Variants in ARHGAP24 observed in about 807,000 individuals in gnomAD.
ARHGAP24 encodes Rho GTPase activating protein 24, also known as rho GTPase-activating protein 24.
A neutral mutation model predicts 76.4 loss-of-function variants in ARHGAP24; 50 were observed. That is an observed-to-expected ratio of 0.65 (90% CI 0.52 to 0.83). The LOEUF is 0.83. Among genes scored for constraint, ARHGAP24 ranks in the 40% least tolerant of loss-of-function variants. The pLI is 0.00. For missense variants in ARHGAP24, 930 were observed against 914.2 expected, an observed-to-expected ratio of 1.02 and a Z score of -0.22; for synonymous variants, 345 against 323.3, an observed-to-expected ratio of 1.07 and a Z score of -0.72.
intron 1 of ARHGAP24, among the ~76,000 whole-genome samples, chr4:85,541,142 C>CTTTTTTTTTTTTTTTTTTT (rs70948733): frequency 2.0e-4 from 10 of 49,772 alleles, no homozygotes; most frequent in Admixed American, 7.4e-4. Context: ...CATCCATGAC[C>CTTTTTTTTTTTTTTTTTTT]TTTTTTTTTT....
chr4:85,927,123 G>A lies in ARHGAP24; in HGVS notation c.391+3353G>A, dbSNP rs188129407. Among the ~76,000 whole-genome samples the A allele has an allele frequency of 2.4e-3, 364 of 152,254 alleles. 3 individuals carry two copies. Among genetic ancestry groups the A allele is most frequent in the African/African-American group, 8.4e-3 (351 of 41,550 alleles). On this transcript the variant is annotated intron_variant, in intron 4 of 9. Coordinates refer to ENST00000395184, the MANE Select transcript of ARHGAP24 (RefSeq NM_001025616.3). ...ACAGATGAATGAATAAACAGAATGT[G>A]AAGTATCCATAGAATGGATTATTAT...
chr4:85,489,233 A>G (rs1454114836), intron 1 of ARHGAP24, among the ~76,000 whole-genome samples: 9 of 152,234 alleles, frequency 5.9e-5, no homozygotes. Flanking sequence ...AATCTCTTTA[A>G]GCACTGCCTT....
intron 2 of ARHGAP24, among the ~76,000 whole-genome samples, chr4:85,682,208 G>T (rs1160711152): frequency 1.3e-5 from 2 of 152,180 alleles, no homozygotes. Flanking sequence ...TAAAAACAAA[G>T]ATGTAAAGAA....
At chr4:85,726,796 A>G (rs1560603907) in intron 3 of ARHGAP24, among the ~76,000 whole-genome samples, 1 of 152,130 alleles carries the variant, frequency 6.6e-6, no homozygotes, top group Non-Finnish European at 1.5e-5. Flanking sequence ...CTACAACTCT[A>G]TGAGGCAAGC....
intron 1 of ARHGAP24, among the ~76,000 whole-genome samples, chr4:85,507,291 G>A (rs1335702965): frequency 6.6e-6 from 1 of 151,968 alleles, no homozygotes; most frequent in Non-Finnish European, 1.5e-5. Context: ...GTGCGATCAT[G>A]GCTCACTGTA....
At chr4:85,781,720 T>C (rs1982429) in intron 3 of ARHGAP24, among the ~76,000 whole-genome samples, 98,323 of 151,890 alleles carry the variant, frequency 0.65, 32,942 homozygotes, top group East Asian at 0.88. Flanking sequence ...GATATGCATA[T>C]GTTTGTTAAC....
chr4:85,853,884 G>A (rs28641527), intron 3 of ARHGAP24, among the ~76,000 whole-genome samples: 71,889 of 151,412 alleles, frequency 0.47, 18,519 homozygotes, highest in East Asian at 0.86. Flanking sequence ...AACCTGGGAG[G>A]TGGAGGTTAC....
intron 2 of ARHGAP24, among the ~76,000 whole-genome samples, chr4:85,613,680 A>G (rs972383654): frequency 2.0e-5 from 3 of 152,216 alleles, no homozygotes; most frequent in Non-Finnish European, 4.4e-5. Context: ...CATTTTTAAT[A>G]TACTAGCCAG....
chr4:85,673,877 CT>C (rs1722889148), intron 2 of ARHGAP24, among the ~76,000 whole-genome samples: 1 of 151,728 alleles, frequency 6.6e-6, no homozygotes, highest in Non-Finnish European at 1.5e-5. Context: ...TTTCTGAAAC[CT>C]GTGAATTTCC....
chr4:85,612,924 G>GA (rs1720444750), intron 2 of ARHGAP24, among the ~76,000 whole-genome samples: 2 of 148,634 alleles, frequency 1.3e-5, no homozygotes, highest in South Asian at 2.2e-4. Context: ...TCAGCCTTCT[G>GA]AGTAGCTGCG....
intron 3 of ARHGAP24, among the ~76,000 whole-genome samples, chr4:85,806,494 A>G (rs1728797369): frequency 6.6e-6 from 1 of 152,178 alleles, no homozygotes; most frequent in Non-Finnish European, 1.5e-5. Flanking sequence ...CATTTGAGAG[A>G]AGGCTTTAGA....
At chr4:85,555,059 G>A (rs900689639) in intron 1 of ARHGAP24, among the ~76,000 whole-genome samples, 1 of 152,136 alleles carries the variant, frequency 6.6e-6, no homozygotes, top group Non-Finnish European at 1.5e-5. Flanking sequence ...CTTGGATTGG[G>A]TTTTGACTTT....
rs148409769 is a variant in ARHGAP24 at position 85,755,332 on chromosome 4, G to A, written c.268+33360G>A. ...AGAGAAGTCCATTCCTTATCTCAGT[G>A]AAATGTATTTCTAAGTGTACATGAG... On this transcript the variant is annotated intron_variant, in intron 3 of 9. Coordinates refer to ENST00000395184, the MANE Select transcript of ARHGAP24 (RefSeq NM_001025616.3). 1.3e-3 allele frequency among the ~76,000 whole-genome samples: 204 copies of A among 152,138 alleles called. 2 individuals carry two copies. The highest frequency in any genetic ancestry group is 4.6e-3 in the African/African-American group (189 of 41,508).
Position 85,569,815 on chromosome 4 carries a change from G to T in ARHGAP24, c.-20-707G>T, listed in dbSNP as rs146821975. Among the ~76,000 whole-genome samples the T allele has an allele frequency of 6.7e-3, 1,026 of 152,326 alleles. 6 individuals are homozygous for T. Among genetic ancestry groups the T allele is most frequent in the Non-Finnish European group, 9.9e-3 (676 of 68,034 alleles). On this transcript the variant is annotated intron_variant, in intron 1 of 9. Coordinates refer to ENST00000395184, the MANE Select transcript of ARHGAP24 (RefSeq NM_001025616.3). ...TCTTGAGATATGTTCACCTATGTAA[G>T]ACAAATGTCTTCCATTAAGATTTTC...
intron 3 of ARHGAP24, among the ~76,000 whole-genome samples, chr4:85,726,438 A>T (rs1279794801): frequency 1.3e-5 from 2 of 152,200 alleles, no homozygotes; most frequent in Middle Eastern, 3.2e-3. Flanking sequence ...CTGCCCTGCA[A>T]CGCTGTAGCA....
At chr4:85,992,064 C>A (rs1245324972) in intron 8 of ARHGAP24, 11 of 396,826 alleles carry the variant, frequency 2.8e-5, no homozygotes, top group Non-Finnish European at 4.9e-5. Context: ...GATCGTGTAG[C>A]ACAGTGGAAC....
At chr4:85,586,339 C>T (rs754170473) in intron 2 of ARHGAP24, among the ~76,000 whole-genome samples, 7 of 152,168 alleles carry the variant, frequency 4.6e-5, no homozygotes, top group Non-Finnish European at 8.8e-5. Flanking sequence ...ATCTACGAAG[C>T]AGCTTTGGCC....
At chr4:85,950,663 TTTC>T (rs1381704780) in intron 5 of ARHGAP24, among the ~76,000 whole-genome samples, 1 of 139,414 alleles carries the variant, frequency 7.2e-6, no homozygotes, top group Non-Finnish European at 1.5e-5. Context: ...ATTTTTTCTT[TTTC>T]TTCTTTTTTC....
intron 2 of ARHGAP24, among the ~76,000 whole-genome samples, chr4:85,672,800 C>T (rs1321160186): frequency 6.6e-6 from 1 of 152,154 alleles, no homozygotes; most frequent in African/African-American, 2.4e-5. Context: ...ATGCTGAATT[C>T]TTGCATTCTC....
Sources: gnomAD v4.1 joint callset for allele counts (sites outside exome capture counted in the v4.1 genomes callset) on GRCh38, gnomAD v4.1.1 for gene constraint, MANE v1.5 for transcripts, NCBI Gene and HGNC (gene_info 2026-07-23, HGNC 2026-07-21) for gene names.